The following FAM20A variants were observed in gnomAD, a reference collection of about 807,000 sequenced individuals.
FAM20A encodes FAM20A golgi associated secretory pathway pseudokinase, also known as pseudokinase FAM20A.
Under a neutral mutation model 52.0 loss-of-function variants are expected in FAM20A, and 42 were observed. The observed-to-expected ratio is 0.81, with a 90% CI of 0.63 to 1.04. FAM20A has a LOEUF of 1.04. FAM20A is among the 50% of genes least tolerant of loss of function. FAM20A has a pLI of 0.00. For missense variants in FAM20A, 742 were observed against 712.7 expected, an observed-to-expected ratio of 1.04 and a Z score of -0.47; for synonymous variants, 304 against 298.9, an observed-to-expected ratio of 1.02 and a Z score of -0.18.
chr17:68,592,187 C>T (rs2088332783), intron 1 of FAM20A, among the ~76,000 whole-genome samples: 3 of 152,168 alleles, frequency 2.0e-5, no homozygotes, highest in African/African-American at 7.2e-5. Context: ...GTCAATCTAA[C>T]TTTTCTCCTA....
In FAM20A at chr17:68,564,384, T is replaced by C. The variant is rs531669109; in HGVS notation, c.405-8641A>G. The stretch of plus-strand genomic sequence containing the variant: ...TCATGATTTTTACCACTTATAAAGA[T>C]GAGAGACCAGGTGGATGATGATTTT... On this transcript the variant is annotated intron_variant, in intron 1 of 10. Transcript: ENST00000592554. Among the ~76,000 whole-genome samples, 5 of 152,192 alleles carry C rather than the reference T, an allele frequency of 3.3e-5. No homozygotes were observed. In the South Asian group the frequency reaches 6.2e-4, roughly 19 times the overall value.
At chr17:68,591,247 C>T (rs959973748) in intron 1 of FAM20A, among the ~76,000 whole-genome samples, 1 of 152,188 alleles carries the variant, frequency 6.6e-6, no homozygotes, top group Admixed American at 6.5e-5. Context: ...GCTGGGCGCC[C>T]GCCGCCACGC....
At chr17:68,581,423 TTTTC>T (rs1391786325) in intron 1 of FAM20A, among the ~76,000 whole-genome samples, 1 of 90,876 alleles carries the variant, frequency 1.1e-5, no homozygotes, top group South Asian at 3.9e-4. Context: ...TCTTTTTCTC[TTTTC>T]TTTCTTTCTT....
Position 68,540,973 on chromosome 17 carries a change from A to T in FAM20A, c.1110-15T>A, listed in dbSNP as rs202242731. ...TGACCTCCCACCTGAGGGGGAGAAG[A>T]AGTCCTGGGGCTGGAAAAGCCAAGA... is the stretch of plus-strand genomic sequence containing the variant. On this transcript the variant is annotated splice_polypyrimidine_tract_variant and intron_variant, in intron 7 of 10. Coordinates refer to ENST00000592554, the MANE Select transcript of FAM20A (RefSeq NM_017565.4). 1.6e-5 allele frequency: 25 copies of T among 1,569,248 alleles called. No individual in the cohort carries two copies. Among genetic ancestry groups the T allele is most frequent in the African/African-American group, 1.1e-4 (8 of 74,226 alleles).
At chr17:68,577,808 A>C (rs1002134638) in intron 1 of FAM20A, among the ~76,000 whole-genome samples, 6 of 152,168 alleles carry the variant, frequency 3.9e-5, no homozygotes, top group Non-Finnish European at 7.4e-5. Context: ...TTAATTGTTT[A>C]AAAAAAGAAA....
At position 68,551,724 on chromosome 17, in the gene FAM20A, T is replaced by TATTATTATTATTA. The variant is rs34614921; in HGVS notation, c.719+148_719+149insTAATAATAATAAT. 7.3e-4 allele frequency: 215 copies of TATTATTATTATTA among 293,758 alleles called. 1 individual carries two copies. The highest frequency in any genetic ancestry group is 5.3e-3 in the African/African-American group (201 of 37,738). The allele number at this position is 293,758 out of a possible 1,614,324, so 18.2% of individuals were successfully genotyped here. ...TTATTATTATTATTATTATTATTAT[T>TATTATTATTATTA]ATCACCCCAAACAGTTCTGTGCTTG... On this transcript the variant is annotated intron_variant, in intron 4 of 10. Transcript: ENST00000592554.
chr17:68,586,502 A>C (rs1360848000), intron 1 of FAM20A, among the ~76,000 whole-genome samples: 1 of 152,232 alleles, frequency 6.6e-6, no homozygotes. Context: ...CCTGATAGCC[A>C]ATGACAAGTG....
At chr17:68,581,563 C>T (rs780081483) in intron 1 of FAM20A, among the ~76,000 whole-genome samples, 1 of 127,908 alleles carries the variant, frequency 7.8e-6, no homozygotes, top group African/African-American at 2.9e-5. Flanking sequence ...TCTTTCCTCT[C>T]TCTCTCTTTC....
chr17:68,573,917 A>G (rs1389219673), intron 1 of FAM20A, among the ~76,000 whole-genome samples: 1 of 151,920 alleles, frequency 6.6e-6, no homozygotes, highest in African/African-American at 2.4e-5. Context: ...ACCTCAGGTG[A>G]TCCGCCTGCC....
intron 4 of FAM20A, among the ~76,000 whole-genome samples, chr17:68,545,997 G>A (rs2086538175): frequency 6.6e-6 from 1 of 151,836 alleles, no homozygotes; most frequent in African/African-American, 2.4e-5. Context: ...GTGAAACCCT[G>A]TCTCTACTAA....
intron 1 of FAM20A, among the ~76,000 whole-genome samples, chr17:68,591,093 C>CTTGTTTTGTTTTGTTTTGTTT (rs57737609): frequency 6.7e-6 from 1 of 149,832 alleles, no homozygotes; most frequent in African/African-American, 2.5e-5. Flanking sequence ...TCCAAGGACT[C>CTTGTTTTGTTTTGTTTTGTTT]TGTTTTGTTT....
chr17:68,568,771 T>C lies in FAM20A; in HGVS notation c.405-13028A>G, dbSNP rs58900135. Among the ~76,000 whole-genome samples, 988 of 150,690 alleles carry C rather than the reference T, an allele frequency of 6.6e-3. 31 individuals carry two copies. The highest frequency in any genetic ancestry group is 0.023 in the African/African-American group (930 of 40,698). ...TCCTATAAGGATTCTTGTGCAAGCATTGAGATACCCAGATAATCCAGGTTT... is the reference window on the plus strand; with the variant it reads ...TCCTATAAGGATTCTTGTGCAAGCACTGAGATACCCAGATAATCCAGGTTT... On this transcript the variant is annotated intron_variant, in intron 1 of 10. Transcript: ENST00000592554.
chr17:68,551,662 G>A (rs2086839482), intron 4 of FAM20A, among the ~76,000 whole-genome samples: 1 of 150,484 alleles, frequency 6.6e-6, no homozygotes, highest in Admixed American at 6.7e-5. Flanking sequence ...GTAAGGGCCT[G>A]AAAAAGACAA....
At chr17:68,591,093 C>CTGTTT (rs71144608) in intron 1 of FAM20A, among the ~76,000 whole-genome samples, 36,647 of 149,570 alleles carry the variant, frequency 0.25, 4,715 homozygotes, top group East Asian at 0.37. Context: ...TCCAAGGACT[C>CTGTTT]TGTTTTGTTT....
At chr17:68,541,014 G>A in intron 7 of FAM20A, 56 bp from the exon 8 acceptor site, 15 of 1,549,052 alleles carry the variant, frequency 9.7e-6, no homozygotes, top group Non-Finnish European at 1.2e-5. Context: ...GGGTGTCGGG[G>A]GTCTCCCCAC....
rs2086216298 is a variant in FAM20A, at chr17:68,539,966, C to T, written c.1220G>A (p.Gly407Glu). The T allele has an allele frequency of 1.2e-6, 2 of 1,613,942 alleles. No homozygotes were observed. The highest frequency in any genetic ancestry group is 1.3e-5 in the African/African-American group (1 of 74,910). ...CTCATAATGGTGCCGGTCCATATTC[C>T]CTGTGAAGGAGGGGAGGACTTAGCT... ...IDMAIFDFLI[G>E]NMDRHHYEMF... The change falls in exon 9 of 11, where the codon GGG becomes GAG. Residue 407 changes from glycine to glutamate, a missense_variant and splice_region_variant. By Grantham distance (98) the Gly-to-Glu change is moderately conservative. Transcript: ENST00000592554.
chr17:68,595,285 TTGGATGAA>T (rs770609436), intron 1 of FAM20A, among the ~76,000 whole-genome samples: 16 of 152,228 alleles, frequency 1.1e-4, no homozygotes, highest in Admixed American at 2.0e-4. Context: ...CCTGTCTTTC[TTGGATGAA>T]TGACACTGAT....
chr17:68,554,557 T>C (rs2086999470), intron 3 of FAM20A, among the ~76,000 whole-genome samples: 1 of 152,208 alleles, frequency 6.6e-6, no homozygotes, highest in Non-Finnish European at 1.5e-5. Flanking sequence ...TGATGATGCT[T>C]TTCCTGGGCC....
intron 1 of FAM20A, among the ~76,000 whole-genome samples, chr17:68,569,932 GTCTC>G (rs961206366): frequency 6.6e-6 from 1 of 152,150 alleles, no homozygotes; most frequent in Non-Finnish European, 1.5e-5. Flanking sequence ...GTTGCACAGT[GTCTC>G]TCTCCTTTAT....
Sources: allele counts gnomAD v4.1 joint callset (sites outside exome capture counted in the v4.1 genomes callset), GRCh38; gene constraint gnomAD v4.1.1; transcripts MANE v1.5; gene names NCBI Gene and HGNC (gene_info 2026-07-23, HGNC 2026-07-21).